TOM1L2: variants seen among roughly 807,000 people sequenced by gnomAD.
TOM1L2 encodes the protein target of myb1 like 2 membrane trafficking protein.
Under a neutral mutation model 67.9 loss-of-function variants are expected in TOM1L2, and 31 were observed. The ratio of observed to expected loss-of-function variants is 0.46; its 90% CI spans 0.34 to 0.62. The LOEUF (loss-of-function observed/expected upper bound fraction) is 0.62. Among genes scored for constraint, TOM1L2 ranks in the 20% least tolerant of loss-of-function variants. The probability of loss-of-function intolerance (pLI) is 0.01; values close to 1 mark genes in which losing one functional copy is unlikely to be tolerated. For missense variants in TOM1L2, 606 were observed against 663.5 expected (o/e 0.91, Z 0.95); for synonymous variants, 256 against 254.0 (o/e 1.01, Z -0.07).
At chr17:17,872,552 C>T (rs369794952) in intron 7 of TOM1L2, among the ~76,000 whole-genome samples, 18 of 152,336 alleles carry the variant, frequency 1.2e-4, no homozygotes, top group African/African-American at 3.8e-4. Flanking sequence ...GGAGGCTGGG[C>T]AGTAGGACAG....
intron 12 of TOM1L2, chr17:17,858,763 A>G (rs2036391160): frequency 6.6e-6 from 1 of 152,246 alleles, no homozygotes; most frequent in African/African-American, 2.4e-5. Context: ...TTGTATTTTT[A>G]GTAGAGATGG....
chr17:17,870,782 A>C (rs2037109789), intron 7 of TOM1L2, among the ~76,000 whole-genome samples: 1 of 152,030 alleles, frequency 6.6e-6, no homozygotes, highest in Admixed American at 6.6e-5. Context: ...CCATTTATCC[A>C]CTCAAGGATG....
At chr17:17,921,863 C>T (rs768074715) in intron 1 of TOM1L2, among the ~76,000 whole-genome samples, 57 of 151,916 alleles carry the variant, frequency 3.8e-4, no homozygotes, top group Non-Finnish European at 6.6e-4. Flanking sequence ...CTGTTCCCCT[C>T]GCCCTCGTGC....
intron 1 of TOM1L2, among the ~76,000 whole-genome samples, chr17:17,961,769 GGC>G (rs1484066302): frequency 2.6e-5 from 4 of 152,066 alleles, no homozygotes; most frequent in Non-Finnish European, 5.9e-5. Flanking sequence ...CTACTCGGGA[GGC>G]TGAGGCAGGA....
chr17:17,944,812 C>A (rs752391241), intron 1 of TOM1L2, among the ~76,000 whole-genome samples: 2 of 152,166 alleles, frequency 1.3e-5, no homozygotes, highest in Non-Finnish European at 2.9e-5. Flanking sequence ...AAATGCTTAG[C>A]GACAAGGCCT....
chr17:17,899,071 G>T (rs1339252750), intron 2 of TOM1L2, among the ~76,000 whole-genome samples: 1 of 152,222 alleles, frequency 6.6e-6, no homozygotes, highest in Non-Finnish European at 1.5e-5. Context: ...AACTGTGGCT[G>T]CCCCTAAGGA....
chr17:17,879,605 G>C (rs762074469), intron 7 of TOM1L2, 22 bp downstream of exon 7: 1 of 1,592,622 alleles, frequency 6.3e-7, no homozygotes, highest in East Asian at 2.2e-5. Flanking sequence ...CACAGGCCAA[G>C]TGCTTCTGAA....
intron 1 of TOM1L2, among the ~76,000 whole-genome samples, chr17:17,966,923 C>T (rs149873726): frequency 3.3e-5 from 5 of 152,278 alleles, no homozygotes; most frequent in African/African-American, 1.2e-4. Flanking sequence ...AAATTCCTGC[C>T]CTTGAACATC....
intron 9 of TOM1L2, 110 bp from the exon 10 acceptor site, chr17:17,866,529 G>A: frequency 9.4e-6 from 13 of 1,379,350 alleles, no homozygotes; most frequent in Non-Finnish European, 1.2e-5. Context: ...TATCAGCGCT[G>A]CTCTAGTACA....
intron 7 of TOM1L2, among the ~76,000 whole-genome samples, chr17:17,871,434 C>T (rs1000056977): frequency 3.3e-5 from 5 of 152,164 alleles, no homozygotes; most frequent in Admixed American, 3.3e-4. Context: ...CTTTGGGAGG[C>T]CGAGGCAGGC....
chr17:17,848,687 C>G (rs1004641666), intron 14 of TOM1L2, 136 bp downstream of exon 14: 2 of 910,426 alleles, frequency 2.2e-6, no homozygotes, highest in Non-Finnish European at 3.4e-6. Context: ...CAAAGCCACC[C>G]GTGAAGCCCA....
chr17:17,932,605 G>A (rs2040377347), intron 1 of TOM1L2, among the ~76,000 whole-genome samples: 3 of 152,148 alleles, frequency 2.0e-5, no homozygotes, highest in Admixed American at 2.0e-4. Flanking sequence ...GGAAAGCCAG[G>A]CCTCTCTGGA....
intron 12 of TOM1L2, among the ~76,000 whole-genome samples, chr17:17,856,898 G>T (rs1376776998): frequency 6.6e-6 from 1 of 152,196 alleles, no homozygotes; most frequent in Non-Finnish European, 1.5e-5. Flanking sequence ...AACCAACTGT[G>T]TTTACAACAT....
intron 3 of TOM1L2, 78 bp from the exon 4 acceptor site, chr17:17,893,888 G>A (rs564387265): frequency 1.4e-4 from 203 of 1,443,452 alleles, no homozygotes; most frequent in Middle Eastern, 9.9e-4. Context: ...GCGCAGCTGA[G>A]TTTCCACCAT....
intron 12 of TOM1L2, among the ~76,000 whole-genome samples, chr17:17,854,054 G>A (rs1180949987): frequency 6.6e-6 from 1 of 152,240 alleles, no homozygotes; most frequent in East Asian, 1.9e-4. Flanking sequence ...CCATGGTGGA[G>A]CAGGGTGATG....
chr17:17,848,156 A>G (rs997556497), intron 14 of TOM1L2, among the ~76,000 whole-genome samples: 2 of 152,138 alleles, frequency 1.3e-5, no homozygotes, highest in Admixed American at 6.5e-5. Flanking sequence ...ACCCTTGCCC[A>G]CCAATGGAGG....
intron 1 of TOM1L2, among the ~76,000 whole-genome samples, chr17:17,943,640 C>T (rs2040824021): frequency 6.6e-6 from 1 of 152,152 alleles, no homozygotes; most frequent in African/African-American, 2.4e-5. Flanking sequence ...ACTTCCTCCA[C>T]TCTCTCTTTC....
rs745368133 is a variant in TOM1L2, at chr17:17,882,997, G to A, written c.502-134C>T. 1.8e-4 allele frequency: 196 copies of A among 1,079,722 alleles called. 2 individuals are homozygous for A. The highest frequency in any genetic ancestry group is 1.6e-4 in the Non-Finnish European group (118 of 753,236). The allele number at this position is 1,079,722 out of a possible 1,614,324, so 66.9% of individuals were successfully genotyped here. A position where few individuals can be genotyped will look rare whatever the true frequency, so the allele number is the denominator to read the frequency against. ...TCAAGGCCCTGCTCCACTGCTGCCC[G>A]GGTGAGGTTCACAGAACCCCACTGA... On this transcript the variant is annotated intron_variant, in intron 5 of 14. Coordinates refer to ENST00000379504, the MANE Select transcript of TOM1L2 (RefSeq NM_001082968.2).
intron 3 of TOM1L2, 22 bp downstream of exon 3, chr17:17,898,571 TCTC>T: frequency 6.2e-7 from 1 of 1,613,240 alleles, no homozygotes; most frequent in Non-Finnish European, 8.5e-7. Context: ...AGATGACTTC[TCTC>T]CTCAAGGAGA....
Sources: gnomAD v4.1 joint callset for allele counts (sites outside exome capture counted in the v4.1 genomes callset) on GRCh38, gnomAD v4.1.1 for gene constraint, MANE v1.5 for transcripts, NCBI Gene and HGNC (gene_info 2026-07-23, HGNC 2026-07-21) for gene names.